The following PTPRD variants were observed in gnomAD, a reference collection of about 807,000 sequenced individuals.
PTPRD encodes the protein receptor-type tyrosine-protein phosphatase delta.
In PTPRD, 34 loss-of-function variants were observed where a neutral mutation model predicts 214.5. That is an observed-to-expected ratio of 0.16 (90% confidence interval 0.12 to 0.21). PTPRD has a LOEUF of 0.21. Among genes scored for constraint, PTPRD ranks in the 10% least tolerant of loss-of-function variants. The pLI is 1.00. For synonymous variants in PTPRD, 1,128 were observed against 845.7 expected, an observed-to-expected ratio of 1.33 and a Z score of -5.79; for missense variants, 2,545 against 2,398.7, an observed-to-expected ratio of 1.06 and a Z score of -1.27.
chr9:9,791,259 A>C (rs180693603), intron 5 of PTPRD, among the ~76,000 whole-genome samples: 1 of 152,282 alleles, frequency 6.6e-6, no homozygotes, highest in East Asian at 1.9e-4. Flanking sequence ...ACCTTTAAAA[A>C]TGAAAAAGGT....
At chr9:10,551,482 T>A (rs979630157) in intron 2 of PTPRD, among the ~76,000 whole-genome samples, 2 of 152,248 alleles carry the variant, frequency 1.3e-5, no homozygotes, top group South Asian at 2.1e-4. Flanking sequence ...GAGTAGAGAC[T>A]TTTAAGAGGT....
intron 3 of PTPRD, among the ~76,000 whole-genome samples, chr9:10,261,398 G>A (rs923554170): frequency 6.6e-6 from 1 of 151,926 alleles, no homozygotes; most frequent in African/African-American, 2.4e-5. Context: ...GAGCTACCCT[G>A]GTGGAGTTCA....
At chr9:9,295,834 T>C (rs1034481515) in intron 9 of PTPRD, among the ~76,000 whole-genome samples, 8 of 151,828 alleles carry the variant, frequency 5.3e-5, no homozygotes, top group Admixed American at 5.3e-4. Flanking sequence ...CTTCGAAGCA[T>C]AATTCAGAGG....
At chr9:9,694,510 A>T (rs577747703) in intron 7 of PTPRD, among the ~76,000 whole-genome samples, 15 of 152,098 alleles carry the variant, frequency 9.9e-5, no homozygotes, top group Non-Finnish European at 1.9e-4. Context: ...GTCAGATCTG[A>T]AGCCAGCAGA....
chr9:8,437,784 G>A (rs150284627), intron 34 of PTPRD, among the ~76,000 whole-genome samples: 3 of 151,938 alleles, frequency 2.0e-5, no homozygotes, highest in Non-Finnish European at 4.4e-5. Context: ...AGCAGAGATG[G>A]GGTGACACAT....
intron 12 of PTPRD, among the ~76,000 whole-genome samples, chr9:8,685,592 G>T (rs2097663873): frequency 6.6e-6 from 1 of 152,126 alleles, no homozygotes; most frequent in African/African-American, 2.4e-5. Flanking sequence ...AACTGGTTGG[G>T]CTGATTTTTT....
chr9:8,652,719 G>A (rs965085681), intron 12 of PTPRD, among the ~76,000 whole-genome samples: 2 of 152,180 alleles, frequency 1.3e-5, no homozygotes, highest in Non-Finnish European at 2.9e-5. Context: ...AAGTACTTGA[G>A]TGTTAGATAC....
At chr9:9,241,206 CTGTTT>C (rs777674590) in intron 9 of PTPRD, among the ~76,000 whole-genome samples, 24 of 152,148 alleles carry the variant, frequency 1.6e-4, no homozygotes, top group East Asian at 1.4e-3. Flanking sequence ...TTTAAAGAAA[CTGTTT>C]TGTTTTGTTT....
chr9:10,134,217 C>G (rs2098925143), intron 3 of PTPRD, among the ~76,000 whole-genome samples: 3 of 152,136 alleles, frequency 2.0e-5, no homozygotes, highest in Admixed American at 6.5e-5. Context: ...CAGTGGGTCT[C>G]CAGAGAGCTG....
At chr9:9,906,292 G>A (rs1469084791) in intron 5 of PTPRD, among the ~76,000 whole-genome samples, 1 of 151,932 alleles carries the variant, frequency 6.6e-6, no homozygotes, top group Non-Finnish European at 1.5e-5. Context: ...GATGTGAGAA[G>A]TGTGCTTTTT....
At chr9:8,456,974 G>C (rs1017165717) in intron 33 of PTPRD, among the ~76,000 whole-genome samples, 1 of 152,140 alleles carries the variant, frequency 6.6e-6, no homozygotes, top group Admixed American at 6.5e-5. Context: ...TTCTTGGACA[G>C]TTCTGGAATA....
chr9:9,424,554 T>C (rs2080098395), intron 8 of PTPRD, among the ~76,000 whole-genome samples: 1 of 152,088 alleles, frequency 6.6e-6, no homozygotes, highest in Non-Finnish European at 1.5e-5. Flanking sequence ...ATACTACTAA[T>C]TACAAAGATA....
chr9:10,588,124 G>A (rs1483926381), intron 2 of PTPRD, among the ~76,000 whole-genome samples: 3 of 151,964 alleles, frequency 2.0e-5, no homozygotes, highest in Non-Finnish European at 4.4e-5. Context: ...AGACAAATAG[G>A]AGTCCCATAA....
chr9:9,476,629 T>C lies in PTPRD; in HGVS notation c.-236-79147A>G, dbSNP rs200074726. On this transcript the variant is annotated intron_variant, in intron 8 of 45. Coordinates refer to ENST00000381196, the MANE Select transcript of PTPRD (RefSeq NM_002839.4). Reference sequence around the variant, plus strand: ...ATAATATAACTTATGTTTATAAATGTTGAATTTTACCTATGTATAACTCCT... The same window carrying C: ...ATAATATAACTTATGTTTATAAATGCTGAATTTTACCTATGTATAACTCCT... Among the ~76,000 whole-genome samples, 10 of 152,332 alleles carry C rather than the reference T, an allele frequency of 6.6e-5. No individual in the cohort carries two copies. The East Asian group carries it at 1.9e-3, about 29-fold the overall frequency.
intron 9 of PTPRD, among the ~76,000 whole-genome samples, chr9:9,206,259 T>A (rs1348233582): frequency 5.9e-5 from 9 of 152,254 alleles, no homozygotes; most frequent in Middle Eastern, 3.4e-3. Flanking sequence ...GGAGATGACA[T>A]ACAGCTTTAT....
chr9:9,359,089 C>A (rs1409393667), intron 9 of PTPRD, among the ~76,000 whole-genome samples: 1 of 151,360 alleles, frequency 6.6e-6, no homozygotes. Flanking sequence ...ACTGTGAATA[C>A]TGGTTGTCAT....
At chr9:8,504,013 T>C (rs1450459003) in intron 23 of PTPRD, among the ~76,000 whole-genome samples, 1 of 152,206 alleles carries the variant, frequency 6.6e-6, no homozygotes. Flanking sequence ...ATTTCACCCA[T>C]GGACGTCTAC....
chr9:9,039,716 T>C (rs1327250616), intron 10 of PTPRD, among the ~76,000 whole-genome samples: 1 of 152,182 alleles, frequency 6.6e-6, no homozygotes, highest in Non-Finnish European at 1.5e-5. Flanking sequence ...CCCAACAATA[T>C]TTTGACTCAA....
At chr9:10,216,729 G>A (rs1430704529) in intron 3 of PTPRD, among the ~76,000 whole-genome samples, 2 of 152,042 alleles carry the variant, frequency 1.3e-5, no homozygotes, top group South Asian at 2.1e-4. Flanking sequence ...GGAAGTATAC[G>A]GAATAAATTC....
Sources: gnomAD v4.1 joint callset for allele counts (sites outside exome capture counted in the v4.1 genomes callset) on GRCh38, gnomAD v4.1.1 for gene constraint, MANE v1.5 for transcripts, NCBI Gene and HGNC (gene_info 2026-07-23, HGNC 2026-07-21) for gene names.